CATSPERB: variants seen among roughly 807,000 people sequenced by gnomAD.
The protein encoded by CATSPERB is catsper channel auxiliary subunit beta, also known as cation channel sperm-associated auxiliary subunit beta.
CATSPERB carries 93 observed loss-of-function variants against 128.3 expected under a neutral mutation model. The ratio of observed to expected loss-of-function variants is 0.72; its 90% CI spans 0.61 to 0.86. The LOEUF (loss-of-function observed/expected upper bound fraction) is 0.86. CATSPERB is among the 40% of genes least tolerant of loss of function. CATSPERB has a pLI of 0.00. For missense variants in CATSPERB, 1,153 were observed against 1,329.5 expected, an observed-to-expected ratio of 0.87 and a Z score of 2.06; for synonymous variants, 381 against 448.8, an observed-to-expected ratio of 0.85 and a Z score of 1.91.
intron 19 of CATSPERB, among the ~76,000 whole-genome samples, chr14:91,618,590 C>T (rs1893987676): frequency 6.6e-6 from 1 of 152,126 alleles, no homozygotes. Context: ...GGGTACATGC[C>T]CAGTTGAAAG....
intron 23 of CATSPERB, 145 bp from the exon 24 acceptor site, chr14:91,589,814 T>A (rs12590560): frequency 1.4e-6 from 1 of 694,780 alleles, no homozygotes; most frequent in Non-Finnish European, 2.4e-6. Flanking sequence ...TTTTCAGTCA[T>A]GAAAATGTCT....
intron 22 of CATSPERB, among the ~76,000 whole-genome samples, chr14:91,594,099 T>C (rs924782675): frequency 3.3e-5 from 5 of 152,150 alleles, no homozygotes; most frequent in African/African-American, 4.8e-5. Context: ...AGCGATAGAC[T>C]GGATTAAGAA....
intron 6 of CATSPERB, among the ~76,000 whole-genome samples, chr14:91,705,208 T>C (rs914395607): frequency 1.3e-5 from 2 of 151,482 alleles, no homozygotes; most frequent in African/African-American, 4.9e-5. Flanking sequence ...TGAAAAATAC[T>C]ATTTGCCACA....
chr14:91,626,359 C>CTTTTTTTT (rs71120179), intron 17 of CATSPERB, among the ~76,000 whole-genome samples: 3 of 76,868 alleles, frequency 3.9e-5, no homozygotes, highest in Non-Finnish European at 6.9e-5. Flanking sequence ...AGAGGTGGGA[C>CTTTTTTTT]TTTTTTTTTT....
chr14:91,690,431 C>G (rs1212325538), intron 10 of CATSPERB, among the ~76,000 whole-genome samples: 3 of 152,178 alleles, frequency 2.0e-5, no homozygotes, highest in Non-Finnish European at 4.4e-5. Context: ...GGTCTTAGAA[C>G]TTACATTCCA....
rs1894335400 is a variant in CATSPERB, at chr14:91,634,572, T to C, written c.1742+1853A>G. ...AACAAGACATCTGAATACATATGCT[T>C]ATTGTAGCATAATTCACATTTGCAA... On this transcript the variant is annotated intron_variant, in intron 17 of 26. Coordinates refer to ENST00000256343, the MANE Select transcript of CATSPERB (RefSeq NM_024764.4). Among the ~76,000 whole-genome samples the C allele has an allele frequency of 3.3e-5, 5 of 150,720 alleles. No homozygotes were observed. The South Asian group carries it at 1.1e-3, about 32-fold the overall frequency.
chr14:91,612,026 T>TTCTTTCTTTCTTTCTC, intron 20 of CATSPERB, among the ~76,000 whole-genome samples: 1 of 90,232 alleles, frequency 1.1e-5, no homozygotes, highest in African/African-American at 3.7e-5. Context: ...CTTTCTTTCT[T>TTCTTTCTTTCTTTCTC]TCTTTCTTTC....
intron 14 of CATSPERB, among the ~76,000 whole-genome samples, chr14:91,668,905 G>A (rs1234502255): frequency 1.3e-5 from 2 of 152,200 alleles, no homozygotes; most frequent in African/African-American, 4.8e-5. Flanking sequence ...CTCACCGCGA[G>A]GGTCCGCAGA....
intron 4 of CATSPERB, 39 bp from the exon 5 acceptor site, chr14:91,719,517 C>T (rs1237912764): frequency 3.4e-6 from 5 of 1,463,926 alleles, no homozygotes; most frequent in Non-Finnish European, 3.8e-6. Flanking sequence ...TGTTTTACAA[C>T]ATGAATAACA....
At chr14:91,672,018 T>TC (rs1314446010) in intron 13 of CATSPERB, among the ~76,000 whole-genome samples, 5 of 128,956 alleles carry the variant, frequency 3.9e-5, no homozygotes, top group African/African-American at 1.5e-4. Context: ...AGACTCTGTC[T>TC]CAAAAACAAC....
chr14:91,593,860 A>T (rs2139761900), intron 22 of CATSPERB, among the ~76,000 whole-genome samples: 1 of 152,302 alleles, frequency 6.6e-6, no homozygotes, highest in Non-Finnish European at 1.5e-5. Flanking sequence ...ATCTTCCAGA[A>T]TTCCCGCATG....
intron 7 of CATSPERB, among the ~76,000 whole-genome samples, chr14:91,701,612 T>C (rs1363352748): frequency 6.6e-6 from 1 of 152,082 alleles, no homozygotes; most frequent in African/African-American, 2.4e-5. Context: ...ATGGGAGGCC[T>C]GATGGTTTAT....
chr14:91,710,532 C>G (rs543143822), intron 5 of CATSPERB: 13 of 152,294 alleles, frequency 8.5e-5, no homozygotes, highest in African/African-American at 2.9e-4. Context: ...AAGACCTCTA[C>G]TTGGCACTAT....
intron 15 of CATSPERB, among the ~76,000 whole-genome samples, chr14:91,655,349 G>A (rs1894769177): frequency 6.6e-6 from 1 of 152,216 alleles, no homozygotes. Flanking sequence ...TAAGGCACCA[G>A]AGACCGATCT....
At chr14:91,621,563 G>A in intron 19 of CATSPERB, 45 bp downstream of exon 19, 1 of 1,408,778 alleles carries the variant, frequency 7.1e-7, no homozygotes, top group Non-Finnish European at 9.7e-7. Context: ...TTCAAGAAAA[G>A]AAATAACATT....
At chr14:91,699,434 A>G (rs1420673168) in intron 7 of CATSPERB, among the ~76,000 whole-genome samples, 2 of 152,200 alleles carry the variant, frequency 1.3e-5, no homozygotes, top group Non-Finnish European at 2.9e-5. Flanking sequence ...TAGAAAAAAA[A>G]TCCTAAAATT....
chr14:91,690,887 C>T (rs1285621514), intron 10 of CATSPERB, among the ~76,000 whole-genome samples: 1 of 152,218 alleles, frequency 6.6e-6, no homozygotes, highest in Non-Finnish European at 1.5e-5. Context: ...ATAGGGAGGG[C>T]ATATGGCAAA....
chr14:91,630,094 A>G (rs146127722), intron 17 of CATSPERB, among the ~76,000 whole-genome samples: 2 of 152,318 alleles, frequency 1.3e-5, no homozygotes, highest in East Asian at 1.9e-4. Context: ...AATGGTGCCA[A>G]ATTCAAAGGT....
intron 22 of CATSPERB, among the ~76,000 whole-genome samples, chr14:91,600,821 T>C (rs1212898819): frequency 6.6e-6 from 1 of 152,188 alleles, no homozygotes; most frequent in African/African-American, 2.4e-5. Context: ...CCAGAGTAAA[T>C]CCTTGCCCCA....
Sources: gnomAD v4.1 joint callset for allele counts (sites outside exome capture counted in the v4.1 genomes callset) on GRCh38, gnomAD v4.1.1 for gene constraint, MANE v1.5 for transcripts, NCBI Gene and HGNC (gene_info 2026-07-23, HGNC 2026-07-21) for gene names.